DPH6: variants seen among roughly 807,000 people sequenced by gnomAD.
DPH6 encodes diphthamine biosynthesis 6.
Under a neutral mutation model 38.2 loss-of-function variants are expected in DPH6, and 33 were observed. The observed-to-expected ratio is 0.86, with a 90% CI of 0.65 to 1.15. DPH6 has a LOEUF of 1.15. Among genes scored for constraint, DPH6 ranks in the 50% most tolerant of loss-of-function variants. The pLI, the probability that DPH6 is intolerant of heterozygous loss-of-function variation, is 0.00. For missense variants in DPH6, 325 were observed against 320.0 expected (o/e 1.02, Z -0.12); for synonymous variants, 108 against 103.0 (o/e 1.05, Z -0.30).
At chr15:35,417,358 G>A (rs1411099253) in intron 5 of DPH6, among the ~76,000 whole-genome samples, 2 of 149,100 alleles carry the variant, frequency 1.3e-5, no homozygotes, top group Admixed American at 6.7e-5. Flanking sequence ...ATGTATTTTG[G>A]TTTTAGTATT....
At chr15:35,168,304 T>C in the DPH6 span, among the ~76,000 whole-genome samples, 2 of 152,040 alleles carry the variant, frequency 1.3e-5, no homozygotes, top group African/African-American at 4.8e-5. Flanking sequence ...GAGCTAAATG[T>C]ATTGCCTTGA....
At chr15:35,369,714 CAAA>C (rs2052693981), downstream of DPH6, among the ~76,000 whole-genome samples, 1 of 149,058 alleles carries the variant, frequency 6.7e-6, no homozygotes, top group African/African-American at 2.5e-5. Context: ...GGTGTCTAAA[CAAA>C]ATTCCAATGA....
exon 4 of DPH6, chr15:35,218,155 G>A (rs974861558): frequency 1.3e-5 from 2 of 152,104 alleles, no homozygotes; most frequent in Admixed American, 1.3e-4. Context: ...TCTTTAAAAA[G>A]CTATTTAGAG....
intron 5 of DPH6, among the ~76,000 whole-genome samples, chr15:35,434,437 A>G (rs911586747): frequency 1.3e-5 from 2 of 152,228 alleles, no homozygotes; most frequent in Non-Finnish European, 2.9e-5. Flanking sequence ...AAGCAGTAAA[A>G]CAAAAAATTG....
intron 3 of DPH6, among the ~76,000 whole-genome samples, chr15:35,499,208 C>T (rs1448822915): frequency 1.3e-5 from 2 of 152,086 alleles, no homozygotes; most frequent in African/African-American, 2.4e-5. Flanking sequence ...TATTTCTTTC[C>T]ACTTCCCTTT....
rs574009100 is a variant in DPH6 at position 35,338,964 on chromosome 15, T to C, written n.208-7887A>G. 1.4e-3 allele frequency among the ~76,000 whole-genome samples: 217 copies of C among 151,504 alleles called. 1 individual carries two copies. Among genetic ancestry groups the C allele is most frequent in the African/African-American group, 5.1e-3 (211 of 41,204 alleles). On this transcript the variant is annotated intron_variant and non_coding_transcript_variant, in intron 3 of 3. Coordinates refer to the DPH6 transcript ENST00000558973. ...ACCAAACACTGCATGTTCTCAGTCA[T>C]AGGTGGGAATTGAACAATGAGAACA...
chr15:35,436,635 G>A (rs2053719113), intron 5 of DPH6, among the ~76,000 whole-genome samples: 1 of 151,878 alleles, frequency 6.6e-6, no homozygotes, highest in Non-Finnish European at 1.5e-5. Context: ...AGAATAAGAG[G>A]TTTCTTGCTC....
At chr15:35,166,889 G>A in the DPH6 span, among the ~76,000 whole-genome samples, 1 of 152,072 alleles carries the variant, frequency 6.6e-6, no homozygotes, top group East Asian at 1.9e-4. Context: ...TCATTCTCAA[G>A]CAGCAGGGAA....
chr15:35,443,490 A>G (rs912120932), intron 5 of DPH6, among the ~76,000 whole-genome samples: 1 of 152,166 alleles, frequency 6.6e-6, no homozygotes. Flanking sequence ...TTAGGAAAAA[A>G]GAGGCAGCTG....
chr15:35,517,794 A>G (rs1316206676), intron 3 of DPH6, among the ~76,000 whole-genome samples: 1 of 152,102 alleles, frequency 6.6e-6, no homozygotes, highest in South Asian at 2.1e-4. Flanking sequence ...ATTGTGTAAG[A>G]TTATTTTTTA....
intron 3 of DPH6, among the ~76,000 whole-genome samples, chr15:35,251,077 G>A (rs1342222482): frequency 6.6e-6 from 1 of 152,044 alleles, no homozygotes; most frequent in Non-Finnish European, 1.5e-5. Flanking sequence ...GTTTCTTTTT[G>A]AAAAATGCAG....
intron 3 of DPH6, among the ~76,000 whole-genome samples, chr15:35,524,738 A>G (rs1161112715): frequency 6.6e-6 from 1 of 152,180 alleles, no homozygotes; most frequent in African/African-American, 2.4e-5. Flanking sequence ...TGCTACATAA[A>G]TTGCAATTAT....
chr15:35,477,398 A>G (rs2054275765), intron 3 of DPH6, among the ~76,000 whole-genome samples: 1 of 151,798 alleles, frequency 6.6e-6, no homozygotes, highest in Non-Finnish European at 1.5e-5. Flanking sequence ...AATGAATTAT[A>G]ATACAAAGTG....
At chr15:35,346,717 T>C (rs1386445065) in intron 3 of DPH6, among the ~76,000 whole-genome samples, 3 of 152,160 alleles carry the variant, frequency 2.0e-5, no homozygotes, top group Admixed American at 6.6e-5. Flanking sequence ...GGTCATTGAT[T>C]TTCAGCCTTT....
chr15:35,285,872 G>GGTTTTTTTTTTTTTTTTTT (rs1555391167), intron 3 of DPH6, among the ~76,000 whole-genome samples: 7 of 52,794 alleles, frequency 1.3e-4, no homozygotes, highest in Admixed American at 3.4e-4. Context: ...TTATCTTTGA[G>GGTTTTTTTTTTTTTTTTTT]TTTTTTTTTT....
intron 3 of DPH6, among the ~76,000 whole-genome samples, chr15:35,257,364 G>C (rs1441569820): frequency 6.6e-6 from 1 of 152,194 alleles, no homozygotes; most frequent in East Asian, 1.9e-4. Flanking sequence ...ACACAGGTTA[G>C]AGACAAAAGG....
At chr15:35,526,504 C>T (rs1376538651) in intron 3 of DPH6, among the ~76,000 whole-genome samples, 1 of 152,108 alleles carries the variant, frequency 6.6e-6, no homozygotes, top group East Asian at 1.9e-4. Flanking sequence ...TGGCTCAGCA[C>T]TGTATACAAA....
At chr15:35,277,027 C>T (rs1306511902) in intron 3 of DPH6, among the ~76,000 whole-genome samples, 1 of 152,082 alleles carries the variant, frequency 6.6e-6, no homozygotes, top group Non-Finnish European at 1.5e-5. Flanking sequence ...GCAGTATGGC[C>T]ATTTTCACAA....
intron 6 of DPH6, among the ~76,000 whole-genome samples, chr15:35,390,336 C>T (rs1406128281): frequency 1.3e-5 from 2 of 152,104 alleles, no homozygotes; most frequent in African/African-American, 2.4e-5. Context: ...TTGCTCTTCT[C>T]GAGGAGTATC....
Sources: gnomAD v4.1 joint callset for allele counts (sites outside exome capture counted in the v4.1 genomes callset) on GRCh38, gnomAD v4.1.1 for gene constraint, MANE v1.5 for transcripts, NCBI Gene and HGNC (gene_info 2026-07-23, HGNC 2026-07-21) for gene names.